KANTR: variants seen among roughly 807,000 people sequenced by gnomAD.
KANTR encodes KDM5C adjacent transcript.
chrX:53,095,234 C>A (rs370124448), intron 1 of KANTR, among the ~76,000 whole-genome samples: 1 of 111,867 alleles, frequency 8.9e-6, no homozygotes, highest in Admixed American at 9.5e-5. Context: ...ATGTTAGTCA[C>A]CACAGGAAGC....
At chrX:53,142,671 A>G (rs1303285999) in exon 3 of KANTR, 1 of 348,349 alleles carries the variant, frequency 2.9e-6, no homozygotes. Context: ...AGGTGTATGC[A>G]TTTGCCAGGG....
At chrX:53,129,223 A>T (rs1384576921), downstream of KANTR, among the ~76,000 whole-genome samples, 10 of 56,736 alleles carry the variant, frequency 1.8e-4, no homozygotes, top group Non-Finnish European at 4.0e-4. Context: ...GCCTGTCACC[A>T]TGCCTGGCTA....
At chrX:53,143,528 G>T, downstream of KANTR, 1 of 612,781 alleles carries the variant, frequency 1.6e-6, no homozygotes, top group Non-Finnish European at 2.8e-6. Context: ...CATGGCTGGG[G>T]TGTTGAAGGT....
At chrX:53,109,723 G>A (rs1045050446) in intron 2 of KANTR, among the ~76,000 whole-genome samples, 1 of 108,002 alleles carries the variant, frequency 9.3e-6, no homozygotes, top group African/African-American at 3.3e-5. Flanking sequence ...TAACTTTACT[G>A]AATTTATTTG....
chrX:53,106,479 T>C (rs1038689012), intron 2 of KANTR, among the ~76,000 whole-genome samples: 1 of 110,123 alleles, frequency 9.1e-6, no homozygotes, highest in Non-Finnish European at 1.9e-5. Context: ...CACAGCTCAC[T>C]GCAGCCTTGA....
At chrX:53,125,777 A>G (rs781814690) in exon 3 of KANTR, 29 of 110,838 alleles carry the variant, frequency 2.6e-4, no homozygotes, top group Non-Finnish European at 4.9e-4. Context: ...TTTTATATAG[A>G]CAGTGTTTGT....
At chrX:53,140,494 C>CT (rs1321707835) in intron 2 of KANTR, among the ~76,000 whole-genome samples, 1 of 86,323 alleles carries the variant, frequency 1.2e-5, no homozygotes, top group Non-Finnish European at 2.1e-5. Flanking sequence ...GAGTGAGACT[C>CT]TGTCTCAAAA....
At chrX:53,098,148 G>A (rs1183798930) in intron 1 of KANTR, among the ~76,000 whole-genome samples, 1 of 110,092 alleles carries the variant, frequency 9.1e-6, no homozygotes, top group African/African-American at 3.3e-5. Context: ...GCATATCACA[G>A]GTTCAGTTCC....
chrX:53,097,456 G>A (rs1295869174), intron 1 of KANTR, among the ~76,000 whole-genome samples: 2 of 94,414 alleles, frequency 2.1e-5, no homozygotes, highest in Non-Finnish European at 4.1e-5. Flanking sequence ...AGGTTCAAGT[G>A]ATTCTCCTGC....
intron 2 of KANTR, among the ~76,000 whole-genome samples, chrX:53,121,987 G>A (rs1402726361): frequency 8.9e-6 from 1 of 111,838 alleles, no homozygotes; most frequent in Non-Finnish European, 1.9e-5. Context: ...ATAGCTCCTG[G>A]AAGGAGAGGG....
At chrX:53,114,572 C>T (rs1382303759) in intron 2 of KANTR, among the ~76,000 whole-genome samples, 9 of 111,987 alleles carry the variant, frequency 8.0e-5, no homozygotes, top group African/African-American at 1.6e-4. Flanking sequence ...TAGGTGGACC[C>T]GATGTCTGGG....
chrX:53,141,122 T>C (rs782433767), intron 2 of KANTR, among the ~76,000 whole-genome samples: 5 of 112,993 alleles, frequency 4.4e-5, no homozygotes, highest in African/African-American at 1.6e-4. Context: ...GATCGTGCCA[T>C]TGCACTCTAG....
At chrX:53,119,910 G>T (rs1450809376) in intron 2 of KANTR, among the ~76,000 whole-genome samples, 3 of 110,347 alleles carry the variant, frequency 2.7e-5, no homozygotes, top group African/African-American at 9.9e-5. Flanking sequence ...TAGAGACAGG[G>T]TTCCCCCCAT....
chrX:53,133,792 G>A (rs1556817308), intron 2 of KANTR, among the ~76,000 whole-genome samples: 2 of 111,421 alleles, frequency 1.8e-5, no homozygotes, highest in Admixed American at 9.5e-5. Context: ...CCACATAACA[G>A]CCCTGCCAGT....
At chrX:53,114,856 T>C (rs1021290897) in intron 2 of KANTR, among the ~76,000 whole-genome samples, 1 of 109,324 alleles carries the variant, frequency 9.1e-6, no homozygotes, top group African/African-American at 3.3e-5. Flanking sequence ...CAGGAGTTGG[T>C]TTGGCACCAA....
intron 2 of KANTR, among the ~76,000 whole-genome samples, chrX:53,140,099 G>A (rs988381112): frequency 8.9e-6 from 1 of 112,497 alleles, no homozygotes; most frequent in Non-Finnish European, 1.9e-5. Flanking sequence ...GCCAAGTGGC[G>A]GTGGGGGTGT....
chrX:53,103,795 C>A (rs1478372019), intron 2 of KANTR, among the ~76,000 whole-genome samples: 2 of 111,541 alleles, frequency 1.8e-5, no homozygotes, highest in African/African-American at 6.5e-5. Flanking sequence ...CACCACACAG[C>A]ATCTGTATCC....
downstream of KANTR, among the ~76,000 whole-genome samples, chrX:53,128,348 C>T (rs1411533496): frequency 9.0e-6 from 1 of 111,627 alleles, no homozygotes; most frequent in Non-Finnish European, 1.9e-5. Context: ...AGTGCAGTAA[C>T]ACTGGTAGGA....
intron 2 of KANTR, among the ~76,000 whole-genome samples, chrX:53,104,405 T>A (rs1214363994): frequency 9.1e-6 from 1 of 109,652 alleles, no homozygotes; most frequent in Non-Finnish European, 1.9e-5. Context: ...TTTTGTATTT[T>A]TAGTAGAGAC....
Sources: allele counts gnomAD v4.1 joint callset (sites outside exome capture counted in the v4.1 genomes callset), GRCh38; gene constraint gnomAD v4.1.1; transcripts MANE v1.5; gene names NCBI Gene and HGNC (gene_info 2026-07-23, HGNC 2026-07-21).